LIN7A: variants seen among roughly 807,000 people sequenced by gnomAD.
The protein encoded by LIN7A is protein lin-7 homolog A.
A neutral mutation model predicts 29.8 loss-of-function variants in LIN7A; 25 were observed. The ratio of observed to expected loss-of-function variants is 0.84; its 90% CI spans 0.61 to 1.17. The LOEUF is 1.17. Among genes scored for constraint, LIN7A ranks in the 50% most tolerant of loss-of-function variants. The probability of loss-of-function intolerance (pLI) is 0.00; values close to 1 mark genes in which losing one functional copy is unlikely to be tolerated. For synonymous variants in LIN7A, 118 were observed against 107.5 expected (o/e 1.10, Z -0.60); for missense variants, 239 against 287.0 (o/e 0.83, Z 1.21).
At chr12:80,881,787 C>T (rs909717885) in intron 2 of LIN7A, among the ~76,000 whole-genome samples, 1 of 151,966 alleles carries the variant, frequency 6.6e-6, no homozygotes, top group East Asian at 1.9e-4. Context: ...AGGAAGTTTC[C>T]TGTATTACAA....
At chr12:80,841,739 T>G (rs1447385170) in intron 4 of LIN7A, 4 of 216,270 alleles carry the variant, frequency 1.8e-5, no homozygotes, top group Non-Finnish European at 3.2e-5. Flanking sequence ...CTAAATATAT[T>G]TACGGTTGCC....
In LIN7A at chr12:80,937,859, A is replaced by G. The variant is rs1164308162; in HGVS notation, c.-137T>C. The G allele has an allele frequency of 8.4e-6, 5 of 593,484 alleles. No individual in the cohort carries two copies. The South Asian group carries it at 1.4e-4, about 17-fold the overall frequency. The allele number at this position is 593,484 out of a possible 1,614,324, so 36.8% of individuals were successfully genotyped here. A position where few individuals can be genotyped will look rare whatever the true frequency, so the allele number is the denominator to read the frequency against. On this transcript the variant is annotated 5_prime_UTR_variant, in exon 1 of 6. Coordinates refer to ENST00000552864, the MANE Select transcript of LIN7A (RefSeq NM_004664.4). ...AGAAAGCTTGGGTGGGTTGGTAGCC[A>G]GATGGAGACGCAACTGTTCCGCGGC...
chr12:80,811,764 T>G lies in LIN7A; in HGVS notation c.484-81A>C. ...AGACAAATCTGAAATTAATATCACA[T>G]TAAGAACCCAAAATTTAAAATTTTA... On this transcript the variant is annotated intron_variant, in intron 4 of 5. Transcript: ENST00000552864. 7 of 1,505,814 alleles carry G rather than the reference T, an allele frequency of 4.6e-6. No individual in the cohort carries two copies. The South Asian group carries it at 6.4e-5, about 14-fold the overall frequency. 93.3% of individuals were successfully genotyped at this position (1,505,814 alleles called of 1,614,324 possible). A position where few individuals can be genotyped will look rare whatever the true frequency, so the allele number is the denominator to read the frequency against.
At chr12:80,820,013 A>G (rs765571994) in intron 4 of LIN7A, among the ~76,000 whole-genome samples, 25 of 152,200 alleles carry the variant, frequency 1.6e-4, no homozygotes, top group Admixed American at 3.9e-4. Context: ...GTTTAAAACT[A>G]TCTAGGTGAA....
chr12:80,920,095 C>T (rs1419136083), intron 1 of LIN7A, among the ~76,000 whole-genome samples: 1 of 151,934 alleles, frequency 6.6e-6, no homozygotes, highest in African/African-American at 2.4e-5. Context: ...AGTATTAGGC[C>T]CATATAGTAA....
At chr12:80,926,337 C>A (rs1877580291) in intron 1 of LIN7A, among the ~76,000 whole-genome samples, 1 of 152,092 alleles carries the variant, frequency 6.6e-6, no homozygotes, top group African/African-American at 2.4e-5. Context: ...TTCCTATTTT[C>A]ATTCCTATTT....
intron 5 of LIN7A, among the ~76,000 whole-genome samples, chr12:80,807,690 A>G (rs1487397465): frequency 6.6e-6 from 1 of 152,218 alleles, no homozygotes; most frequent in Non-Finnish European, 1.5e-5. Context: ...TTACCACAAA[A>G]GAGATCTTTA....
intron 5 of LIN7A, among the ~76,000 whole-genome samples, chr12:80,801,447 C>G (rs1870717484): frequency 6.6e-6 from 1 of 152,036 alleles, no homozygotes; most frequent in African/African-American, 2.4e-5. Context: ...CCTCCTAAAG[C>G]CCAGTAAAAC....
chr12:80,900,965 G>A (rs747319022), intron 1 of LIN7A, among the ~76,000 whole-genome samples: 7 of 152,214 alleles, frequency 4.6e-5, no homozygotes, highest in Non-Finnish European at 1.0e-4. Context: ...AAATAGATTG[G>A]AGTTCATTTT....
intron 4 of LIN7A, 22 bp downstream of exon 4, chr12:80,845,708 T>C: frequency 6.3e-7 from 1 of 1,586,164 alleles, no homozygotes; most frequent in Non-Finnish European, 8.6e-7. Context: ...GGAGAAAATC[T>C]CTGGTTATTT....
chr12:80,850,991 G>A (rs766812462), intron 2 of LIN7A, among the ~76,000 whole-genome samples: 1 of 152,044 alleles, frequency 6.6e-6, no homozygotes, highest in African/African-American at 2.4e-5. Flanking sequence ...GGAACATACC[G>A]ATGACCACAC....
intron 1 of LIN7A, among the ~76,000 whole-genome samples, chr12:80,914,110 A>G (rs1441461568): frequency 6.6e-6 from 1 of 152,152 alleles, no homozygotes; most frequent in Non-Finnish European, 1.5e-5. Flanking sequence ...CATGCCATCA[A>G]GATCTCTTTC....
chr12:80,854,343 G>C (rs1873484055), intron 2 of LIN7A, among the ~76,000 whole-genome samples: 1 of 151,984 alleles, frequency 6.6e-6, no homozygotes, highest in Non-Finnish European at 1.5e-5. Flanking sequence ...GGGAGCCTGA[G>C]GCAGGAGGAT....
chr12:80,822,837 G>A (rs985972071), intron 4 of LIN7A, among the ~76,000 whole-genome samples: 31 of 152,078 alleles, frequency 2.0e-4, no homozygotes, highest in Non-Finnish European at 1.6e-4. Flanking sequence ...CAGACTCCTG[G>A]GTGGAAAGGG....
At chr12:80,932,813 C>G (rs78810781) in intron 1 of LIN7A, among the ~76,000 whole-genome samples, 7,579 of 152,232 alleles carry the variant, frequency 0.05, 246 homozygotes, top group Middle Eastern at 0.086. Flanking sequence ...TGAAGCATTT[C>G]TATGTTCTTT....
At position 80,902,009 on chromosome 12, in the gene LIN7A, A is replaced by C. The variant is rs553229868; in HGVS notation, c.83-12640T>G. Among the ~76,000 whole-genome samples, 10 of 152,086 alleles carry C rather than the reference A, an allele frequency of 6.6e-5. No individual in the cohort carries two copies. In the South Asian group the frequency reaches 2.1e-3, roughly 32 times the overall value. ...TTATCACTACAGGGCAGTATAAAAG[A>C]TTATTTATAGTTAATTTTTGTATAT... On this transcript the variant is annotated intron_variant, in intron 1 of 5. Coordinates refer to ENST00000552864, the MANE Select transcript of LIN7A (RefSeq NM_004664.4).
At chr12:80,928,479 G>A (rs956512460) in intron 1 of LIN7A, among the ~76,000 whole-genome samples, 4 of 152,136 alleles carry the variant, frequency 2.6e-5, no homozygotes, top group African/African-American at 7.2e-5. Context: ...GTGTCTGTTG[G>A]CTGCATAAAT....
intron 5 of LIN7A, among the ~76,000 whole-genome samples, chr12:80,807,068 T>TTTTTGTTTTTTTTTG (rs1555221338): frequency 1.2e-5 from 1 of 84,996 alleles, no homozygotes; most frequent in Non-Finnish European, 2.2e-5. Context: ...ATGGAGTTTT[T>TTTTTGTTTTTTTTTG]TTTTTTTTTT....
At chr12:80,851,515 T>C (rs906102132) in intron 2 of LIN7A, among the ~76,000 whole-genome samples, 5 of 152,140 alleles carry the variant, frequency 3.3e-5, no homozygotes, top group Admixed American at 3.3e-4. Flanking sequence ...CCTTAGCCTC[T>C]CATTTCCTAA....
Sources: allele counts gnomAD v4.1 joint callset (sites outside exome capture counted in the v4.1 genomes callset), GRCh38; gene constraint gnomAD v4.1.1; transcripts MANE v1.5; gene names NCBI Gene and HGNC (gene_info 2026-07-23, HGNC 2026-07-21).